Variants in TMEFF1 observed in about 807,000 individuals in gnomAD.
TMEFF1 encodes tomoregulin-1.
Under a neutral mutation model 47.5 loss-of-function variants are expected in TMEFF1, and 20 were observed. That is an observed-to-expected ratio of 0.42 (90% CI 0.30 to 0.61). TMEFF1 has a LOEUF of 0.61. TMEFF1 is among the 20% of genes least tolerant of loss of function. The probability of loss-of-function intolerance (pLI) is 0.19; values close to 1 mark genes in which losing one functional copy is unlikely to be tolerated. For missense variants in TMEFF1, 411 were observed against 471.1 expected (o/e 0.87, Z 1.18); for synonymous variants, 162 against 166.3 (o/e 0.97, Z 0.20).
chr9:100,531,896 T>C (rs1447744887), intron 5 of TMEFF1, among the ~76,000 whole-genome samples: 3 of 150,522 alleles, frequency 2.0e-5, no homozygotes, highest in African/African-American at 4.9e-5. Context: ...AACAGAGATA[T>C]AGATCAATGG....
chr9:100,508,955 T>G, intron 2 of TMEFF1, 50 bp from the exon 3 acceptor site: 1 of 1,494,484 alleles, frequency 6.7e-7, no homozygotes, highest in African/African-American at 1.4e-5. Flanking sequence ...TGAAATAAAC[T>G]ATTAATATTC....
At position 100,473,596 on chromosome 9, in the gene TMEFF1, C is replaced by G; in HGVS notation, c.52C>G (p.Leu18Val). 4 of 1,553,474 alleles carry G rather than the reference C, an allele frequency of 2.6e-6. No individual in the cohort carries two copies. The highest frequency in any genetic ancestry group is 1.2e-5 in the South Asian group (1 of 83,190). The stretch of plus-strand genomic sequence containing the variant: ...GCTCCGGCTGCCTGCCGCGCCTCCG[C>G]TCGCCTTCTGCTGCTACACGTCGGT... ...APLRLPAAPP[L>V]AFCCYTSVLL... Residue 18 changes from leucine to valine, a missense_variant, in exon 1 of 10, where the codon CTC becomes GTC. Coordinates refer to ENST00000374879, the MANE Select transcript of TMEFF1 (RefSeq NM_003692.5). This position sits in a 1 kb window ranked among gnomAD's most constrained non-coding sequence, Gnocchi z 5.4.
intron 9 of TMEFF1, among the ~76,000 whole-genome samples, chr9:100,575,370 G>A (rs116914712): frequency 0.011 from 1,676 of 152,078 alleles, 21 homozygotes; most frequent in Non-Finnish European, 0.017. Flanking sequence ...TTAACTAAAC[G>A]CCCTGATTTT....
chr9:100,546,029 C>T (rs1272556901), intron 5 of TMEFF1, among the ~76,000 whole-genome samples: 1 of 152,230 alleles, frequency 6.6e-6, no homozygotes, highest in Non-Finnish European at 1.5e-5. Flanking sequence ...AACTTTCCCA[C>T]ATTTTCCTGA....
At chr9:100,548,100 T>C (rs1259362271) in intron 6 of TMEFF1, among the ~76,000 whole-genome samples, 1 of 152,050 alleles carries the variant, frequency 6.6e-6, no homozygotes, top group Admixed American at 6.6e-5. Flanking sequence ...TGCTTCTTGG[T>C]TTTTTATTTA....
intron 5 of TMEFF1, among the ~76,000 whole-genome samples, chr9:100,543,034 T>G (rs972289576): frequency 2.6e-5 from 4 of 151,886 alleles, no homozygotes; most frequent in African/African-American, 9.7e-5. Flanking sequence ...CTTCAAGCGA[T>G]TCTCCTGCCT....
intron 6 of TMEFF1, 119 bp from the exon 7 acceptor site, chr9:100,549,976 G>C: frequency 8.6e-7 from 1 of 1,159,312 alleles, no homozygotes; most frequent in Non-Finnish European, 1.2e-6. Context: ...TAGACAACAT[G>C]AGCAGGATAA....
chr9:100,545,612 A>T (rs1383338994), intron 5 of TMEFF1, among the ~76,000 whole-genome samples: 1 of 152,186 alleles, frequency 6.6e-6, no homozygotes, highest in Non-Finnish European at 1.5e-5. Flanking sequence ...GACTGCTTGT[A>T]ACTTATGCAA....
intron 8 of TMEFF1, 48 bp downstream of exon 8, chr9:100,561,568 G>C: frequency 2.5e-6 from 4 of 1,582,114 alleles, no homozygotes; most frequent in East Asian, 2.3e-5. Flanking sequence ...TTTCATCAAT[G>C]GTTGTTGCTC....
chr9:100,546,923 A>G (rs961275941), intron 5 of TMEFF1, among the ~76,000 whole-genome samples: 1 of 152,176 alleles, frequency 6.6e-6, no homozygotes, highest in Non-Finnish European at 1.5e-5. Flanking sequence ...AGTTACACAG[A>G]TAGACATGTA....
chr9:100,566,527 A>G (rs531696903), intron 8 of TMEFF1, among the ~76,000 whole-genome samples: 10 of 152,220 alleles, frequency 6.6e-5, no homozygotes, highest in African/African-American at 1.7e-4. Context: ...TTCGTATCCA[A>G]TCAGCTGGGA....
intron 9 of TMEFF1, among the ~76,000 whole-genome samples, chr9:100,574,776 C>G (rs1839315720): frequency 6.6e-6 from 1 of 152,136 alleles, no homozygotes; most frequent in South Asian, 2.1e-4. Flanking sequence ...TAAGAAGTAC[C>G]TTGGTCTAAG....
chr9:100,498,671 A>T, intron 1 of TMEFF1, 94 bp from the exon 2 acceptor site: 2 of 1,137,100 alleles, frequency 1.8e-6, no homozygotes, highest in Non-Finnish European at 2.5e-6. Flanking sequence ...AATACATTTT[A>T]AGGACTTTTT....
intron 5 of TMEFF1, among the ~76,000 whole-genome samples, chr9:100,532,754 C>T (rs1480939036): frequency 1.3e-5 from 2 of 151,940 alleles, no homozygotes; most frequent in Non-Finnish European, 1.5e-5. Flanking sequence ...ACCCAAAGGA[C>T]TATAAATCAT....
chr9:100,483,307 G>T (rs1389121275), intron 1 of TMEFF1, among the ~76,000 whole-genome samples: 1 of 152,036 alleles, frequency 6.6e-6, no homozygotes, highest in Non-Finnish European at 1.5e-5. Flanking sequence ...GACCAGCCTG[G>T]CCAACATGAT....
chr9:100,498,462 C>T (rs1359870902), intron 1 of TMEFF1, among the ~76,000 whole-genome samples: 1 of 151,846 alleles, frequency 6.6e-6, no homozygotes, highest in Non-Finnish European at 1.5e-5. Flanking sequence ...ACCTTAAGGC[C>T]TTAGAAGGCA....
At chr9:100,575,975 G>C (rs2800285) in intron 9 of TMEFF1, among the ~76,000 whole-genome samples, 2 of 151,740 alleles carry the variant, frequency 1.3e-5, no homozygotes, top group South Asian at 4.1e-4. Flanking sequence ...GCCCCAGGAG[G>C]GTGTGGACAG....
At chr9:100,516,882 A>G in intron 5 of TMEFF1, 111 bp downstream of exon 5, 1 of 1,213,976 alleles carries the variant, frequency 8.2e-7, no homozygotes, top group Non-Finnish European at 1.1e-6. Flanking sequence ...GTGTTTTCAA[A>G]TTTTTTTTTT....
In TMEFF1 at chr9:100,473,847, C is replaced by T. The variant is rs541392027; in HGVS notation, c.196+107C>T. 17 of 1,300,916 alleles carry T rather than the reference C, an allele frequency of 1.3e-5. No homozygotes were observed. In the South Asian group the frequency reaches 2.7e-4, roughly 21 times the overall value. The allele number at this position is 1,300,916 out of a possible 1,614,324, so 80.6% of individuals were successfully genotyped here. ...GGGAAAGACCCCGTCGTGGGGGTCC[C>T]AGGGGTGGGCCCGAGGGTGAGCGAG... On this transcript the variant is annotated intron_variant, in intron 1 of 9. Transcript: ENST00000374879. This position sits in a 1 kb window ranked among gnomAD's most constrained non-coding sequence, Gnocchi z 5.4.
Sources: allele counts gnomAD v4.1 joint callset (sites outside exome capture counted in the v4.1 genomes callset), GRCh38; gene constraint gnomAD v4.1.1; non-coding constraint Gnocchi (gnomAD v3.1); transcripts MANE v1.5; gene names NCBI Gene and HGNC (gene_info 2026-07-23, HGNC 2026-07-21).